The following C1orf21 variants were observed in gnomAD, a reference collection of about 807,000 sequenced individuals.
C1orf21 encodes uncharacterized protein C1orf21.
C1orf21 carries 3 observed loss-of-function variants against 18.7 expected under a neutral mutation model. The ratio of observed to expected loss-of-function variants is 0.16; its 90% CI spans 0.07 to 0.42. C1orf21 has a LOEUF of 0.42. Ranked by LOEUF, C1orf21 falls within the 10% of genes least tolerant of loss-of-function variation. The pLI is 0.99. For missense variants in C1orf21, 104 were observed against 143.6 expected (o/e 0.72, Z 1.41); for synonymous variants, 41 against 46.4 (o/e 0.88, Z 0.47).
chr1:184,466,688 C>T (rs763467679), intron 1 of C1orf21, among the ~76,000 whole-genome samples: 1 of 151,908 alleles, frequency 6.6e-6, no homozygotes, highest in Non-Finnish European at 1.5e-5. Context: ...GTAAACTAAT[C>T]GAAGATTTAA....
chr1:184,462,125 A>G (rs925465303), intron 1 of C1orf21, among the ~76,000 whole-genome samples: 5 of 152,322 alleles, frequency 3.3e-5, no homozygotes, highest in East Asian at 1.9e-4. Flanking sequence ...TTAAAACACT[A>G]AAGTGTCACC....
intron 1 of C1orf21, among the ~76,000 whole-genome samples, chr1:184,456,125 A>G (rs1032189920): frequency 2.6e-5 from 4 of 152,188 alleles, no homozygotes; most frequent in South Asian, 2.1e-4. Context: ...AATCACTGCA[A>G]TGTACATATT....
At chr1:184,405,164 G>T (rs1476643937) in intron 1 of C1orf21, among the ~76,000 whole-genome samples, 20 of 151,994 alleles carry the variant, frequency 1.3e-4, no homozygotes, top group Admixed American at 1.3e-3. Context: ...ATCATTATTT[G>T]GCATGTTTTT....
chr1:184,496,754 C>T (rs1657899886), intron 2 of C1orf21, among the ~76,000 whole-genome samples: 1 of 152,168 alleles, frequency 6.6e-6, no homozygotes, highest in South Asian at 2.1e-4. Flanking sequence ...GAGCTATCCA[C>T]CCCAGTTTAC....
At chr1:184,395,546 A>AT (rs1458055404) in intron 1 of C1orf21, among the ~76,000 whole-genome samples, 1 of 152,036 alleles carries the variant, frequency 6.6e-6, no homozygotes, top group Non-Finnish European at 1.5e-5. Context: ...CTGGAGATAG[A>AT]TAAAAAGGCC....
intron 3 of C1orf21, among the ~76,000 whole-genome samples, chr1:184,523,705 T>C (rs1658338340): frequency 6.6e-6 from 1 of 152,210 alleles, no homozygotes. Flanking sequence ...TGTACTATCC[T>C]CACTTTTGTG....
intron 3 of C1orf21, chr1:184,568,254 TGAGAATACAG>T: frequency 4.2e-6 from 1 of 239,592 alleles, no homozygotes; most frequent in Admixed American, 5.1e-5. Context: ...TAATCATTTT[TGAGAATACAG>T]TTCAGTGGCA....
At chr1:184,400,662 C>T (rs1656137933) in intron 1 of C1orf21, among the ~76,000 whole-genome samples, 1 of 151,270 alleles carries the variant, frequency 6.6e-6, no homozygotes, top group Non-Finnish European at 1.5e-5. Flanking sequence ...TTTGCTCTTA[C>T]ATTTTAGTGG....
intron 1 of C1orf21, among the ~76,000 whole-genome samples, chr1:184,471,391 C>T (rs756034659): frequency 5.3e-5 from 8 of 152,086 alleles, no homozygotes; most frequent in Non-Finnish European, 1.2e-4. Flanking sequence ...CAAGTATGTC[C>T]TAGTTGAGTT....
intron 3 of C1orf21, among the ~76,000 whole-genome samples, chr1:184,508,147 G>A (rs780588391): frequency 1.2e-4 from 19 of 152,166 alleles, no homozygotes; most frequent in Non-Finnish European, 2.6e-4. Context: ...TCTTTCTCCA[G>A]AGAGTCAGTA....
chr1:184,618,635 T>C (rs912409001), intron 5 of C1orf21, among the ~76,000 whole-genome samples: 2 of 136,248 alleles, frequency 1.5e-5, no homozygotes, highest in African/African-American at 5.2e-5. Context: ...TAAAAGAACA[T>C]TCCCCCCCCC....
chr1:184,593,980 G>A (rs546393999), intron 4 of C1orf21, among the ~76,000 whole-genome samples: 2 of 152,176 alleles, frequency 1.3e-5, no homozygotes. Context: ...ATATAAAAGC[G>A]AAGTGAGGGA....
intron 3 of C1orf21, among the ~76,000 whole-genome samples, chr1:184,583,354 A>T (rs1659305335): frequency 6.6e-6 from 1 of 152,238 alleles, no homozygotes. Context: ...CAAGCAAAGG[A>T]AAAAATTGTT....
chr1:184,568,106 C>T (rs996231371), intron 3 of C1orf21, among the ~76,000 whole-genome samples: 4 of 152,180 alleles, frequency 2.6e-5, no homozygotes, highest in African/African-American at 9.7e-5. Context: ...TCTCTCTAGC[C>T]TAAAGTTTGA....
rs143406383 is a variant in C1orf21, at chr1:184,575,391, AG to A, written c.190-15344del. Among the ~76,000 whole-genome samples the A allele has an allele frequency of 2.9e-3, 449 of 152,246 alleles. 4 individuals are homozygous for A. Among genetic ancestry groups the A allele is most frequent in the African/African-American group, 0.01 (421 of 41,546 alleles). On this transcript the variant is annotated intron_variant, in intron 3 of 5. Transcript: ENST00000235307. Reference sequence around the variant, plus strand: ...ATTAGTTAAAAAGCCAAGAAGATGAAGGGGTACACTGTTAAAATATTGACTT... The same window carrying A: ...ATTAGTTAAAAAGCCAAGAAGATGAAGGGTACACTGTTAAAATATTGACTT...
At chr1:184,502,447 C>G in intron 2 of C1orf21, among the ~76,000 whole-genome samples, 1 of 152,204 alleles carries the variant, frequency 6.6e-6, no homozygotes, top group Non-Finnish European at 1.5e-5. Context: ...CGTCAACATT[C>G]AAACCATAGC....
At chr1:184,391,440 C>T (rs1248880727) in intron 1 of C1orf21, among the ~76,000 whole-genome samples, 1 of 152,266 alleles carries the variant, frequency 6.6e-6, no homozygotes, top group African/African-American at 2.4e-5. Flanking sequence ...CTCATCTCAG[C>T]AACCCCCATA....
At chr1:184,558,866 A>G (rs917160889) in intron 3 of C1orf21, among the ~76,000 whole-genome samples, 1 of 152,230 alleles carries the variant, frequency 6.6e-6, no homozygotes, top group Non-Finnish European at 1.5e-5. Flanking sequence ...AGAGCCACAT[A>G]CTCAGTCCCT....
intron 3 of C1orf21, among the ~76,000 whole-genome samples, chr1:184,537,577 T>C (rs1658576798): frequency 6.6e-6 from 1 of 152,232 alleles, no homozygotes; most frequent in South Asian, 2.1e-4. Context: ...CTCCATGTTT[T>C]AGCTATTGTG....
Sources: gnomAD v4.1 joint callset for allele counts (sites outside exome capture counted in the v4.1 genomes callset) on GRCh38, gnomAD v4.1.1 for gene constraint, MANE v1.5 for transcripts, NCBI Gene and HGNC (gene_info 2026-07-23, HGNC 2026-07-21) for gene names.